Variants in HECW1 observed in about 807,000 individuals in gnomAD.
HECW1 encodes the protein E3 ubiquitin-protein ligase HECW1.
A neutral mutation model predicts 182.3 loss-of-function variants in HECW1; 61 were observed. The ratio of observed to expected loss-of-function variants is 0.33; its 90% CI spans 0.27 to 0.41. The LOEUF is 0.41. HECW1 is among the 10% of genes least tolerant of loss of function. The probability of loss-of-function intolerance (pLI) is 1.00; values close to 1 mark genes in which losing one functional copy is unlikely to be tolerated. For synonymous variants in HECW1, 859 were observed against 832.6 expected (o/e 1.03, Z -0.55); for missense variants, 1,739 against 2,108.9 (o/e 0.82, Z 3.44).
rs1350168922 is a variant in HECW1, at chr7:43,554,587, T to G, written c.4511-5T>G. ...TGTCTTCCTCCCTCCCTTTGCCTCG[T>G]GCAGGTTACCACGATGGGCATCTTG... On this transcript the variant is annotated splice_region_variant and splice_polypyrimidine_tract_variant and intron_variant, in intron 28 of 29. Coordinates refer to ENST00000395891, the MANE Select transcript of HECW1 (RefSeq NM_015052.5). The G allele has an allele frequency of 3.7e-6, 6 of 1,610,672 alleles. No homozygotes were observed. The African/African-American group carries it at 8.0e-5, about 22-fold the overall frequency.
At chr7:43,336,156 C>T (rs796691893) in intron 5 of HECW1, among the ~76,000 whole-genome samples, 3,054 of 70,894 alleles carry the variant, frequency 0.043, 10 homozygotes, top group Non-Finnish European at 0.058. Context: ...CTCTCTCTCT[C>T]TCTCTCTCTC....
chr7:43,418,782 G>T (rs1209475830), intron 8 of HECW1, among the ~76,000 whole-genome samples: 2 of 151,804 alleles, frequency 1.3e-5, no homozygotes, highest in African/African-American at 4.8e-5. Flanking sequence ...GTATTTTCCT[G>T]ATAATTTCAA....
intron 2 of HECW1, among the ~76,000 whole-genome samples, chr7:43,171,024 A>G (rs1310325732): frequency 6.6e-6 from 1 of 152,208 alleles, no homozygotes; most frequent in Non-Finnish European, 1.5e-5. Context: ...TCGCTTCCTT[A>G]CAAAAGCTCA....
intron 2 of HECW1, among the ~76,000 whole-genome samples, chr7:43,175,720 T>C (rs1792161721): frequency 6.6e-6 from 1 of 152,242 alleles, no homozygotes; most frequent in South Asian, 2.1e-4. Context: ...GAAACCTTTG[T>C]GTAACGAACA....
At chr7:43,501,101 G>A in intron 20 of HECW1, 112 bp from the exon 21 acceptor site, 1 of 629,610 alleles carries the variant, frequency 1.6e-6, no homozygotes, top group African/African-American at 1.9e-5. Flanking sequence ...AATTGCTTTT[G>A]TTGCTTTGTG....
chr7:43,210,109 G>A (rs993608238), intron 2 of HECW1, among the ~76,000 whole-genome samples: 8 of 152,142 alleles, frequency 5.3e-5, no homozygotes, highest in Non-Finnish European at 7.4e-5. Flanking sequence ...GGACCCAGCC[G>A]TATGTGGGGT....
At chr7:43,313,454 C>A (rs1808797063) in intron 4 of HECW1, among the ~76,000 whole-genome samples, 1 of 151,882 alleles carries the variant, frequency 6.6e-6, no homozygotes, top group Admixed American at 6.6e-5. Context: ...TCTCCTGCCT[C>A]AGCCTCCCAA....
intron 15 of HECW1, among the ~76,000 whole-genome samples, chr7:43,468,523 C>A (rs1259388667): frequency 6.6e-6 from 1 of 151,704 alleles, no homozygotes; most frequent in African/African-American, 2.4e-5. Context: ...AATGCACATT[C>A]ACTTTTTTTT....
At chr7:43,561,664 C>A (rs1749706921) in intron 29 of HECW1, 151 bp from the exon 30 acceptor site, 1 of 588,928 alleles carries the variant, frequency 1.7e-6, no homozygotes, top group East Asian at 2.9e-5. Flanking sequence ...AGGAATGTGG[C>A]TCTTTAGTGT....
At position 43,436,646 on chromosome 7, in the gene HECW1, A is replaced by G. The variant is rs543316476; in HGVS notation, c.802-1357A>G. 1.4e-3 allele frequency among the ~76,000 whole-genome samples: 206 copies of G among 152,298 alleles called. 3 individuals are homozygous for G. Among genetic ancestry groups the G allele is most frequent in the African/African-American group, 4.6e-3 (190 of 41,572 alleles). ...TAATGTCATCAGTTAAGGCAGGAAC[A>G]GGCCATTTTCACTTCTTTTGTGATT... On this transcript the variant is annotated intron_variant, in intron 8 of 29. Coordinates refer to ENST00000395891, the MANE Select transcript of HECW1 (RefSeq NM_015052.5).
intron 7 of HECW1, among the ~76,000 whole-genome samples, chr7:43,407,018 T>A (rs1404733076): frequency 6.6e-6 from 1 of 152,180 alleles, no homozygotes; most frequent in Non-Finnish European, 1.5e-5. Flanking sequence ...GCACACACAC[T>A]CTTTCTGTCT....
chr7:43,133,775 A>G (rs922052411), intron 2 of HECW1, among the ~76,000 whole-genome samples: 6 of 151,810 alleles, frequency 4.0e-5, no homozygotes, highest in Non-Finnish European at 5.9e-5. Flanking sequence ...GTACTTTCTT[A>G]TATCTATTGT....
At chr7:43,541,395 TTC>T (rs1448278369) in intron 25 of HECW1, 134 bp downstream of exon 25, 13 of 630,078 alleles carry the variant, frequency 2.1e-5, no homozygotes, top group Non-Finnish European at 3.4e-5. Context: ...TGGCTTCCTG[TTC>T]TGAGTGCTTA....
intron 2 of HECW1, among the ~76,000 whole-genome samples, chr7:43,170,919 C>T (rs201917173): frequency 6.6e-6 from 1 of 152,232 alleles, no homozygotes; most frequent in South Asian, 2.1e-4. Flanking sequence ...AAAAGAAAAA[C>T]GTTTGTGCAA....
chr7:43,150,647 G>A (rs957512767), intron 2 of HECW1, among the ~76,000 whole-genome samples: 10 of 152,184 alleles, frequency 6.6e-5, no homozygotes, highest in African/African-American at 2.2e-4. Context: ...CCAAAGTGCT[G>A]GGATTACAGG....
At chr7:43,465,122 A>T (rs990436198) in intron 14 of HECW1, among the ~76,000 whole-genome samples, 1 of 152,178 alleles carries the variant, frequency 6.6e-6, no homozygotes, top group Non-Finnish European at 1.5e-5. Context: ...TTCTTTGTTC[A>T]AACTTCTGAG....
At chr7:43,460,723 T>C (rs1008415064) in intron 13 of HECW1, among the ~76,000 whole-genome samples, 1 of 152,178 alleles carries the variant, frequency 6.6e-6, no homozygotes, top group Non-Finnish European at 1.5e-5. Context: ...GCTGCCTCCC[T>C]CTCCTGTTTA....
intron 7 of HECW1, among the ~76,000 whole-genome samples, chr7:43,400,341 G>A (rs1435987026): frequency 6.6e-6 from 1 of 152,196 alleles, no homozygotes; most frequent in East Asian, 1.9e-4. Context: ...ATGCTGGTCA[G>A]CTCTGAGTAT....
intron 2 of HECW1, among the ~76,000 whole-genome samples, chr7:43,153,731 A>AT (rs565468738): frequency 6.6e-6 from 1 of 152,296 alleles, no homozygotes; most frequent in South Asian, 2.1e-4. Context: ...GGAAAATGGA[A>AT]TTTTTTATAT....
Sources: allele counts gnomAD v4.1 joint callset (sites outside exome capture counted in the v4.1 genomes callset), GRCh38; gene constraint gnomAD v4.1.1; transcripts MANE v1.5; gene names NCBI Gene and HGNC (gene_info 2026-07-23, HGNC 2026-07-21).